TPD52L1: variants seen among roughly 807,000 people sequenced by gnomAD.
The protein encoded by TPD52L1 is tumor protein D53.
In TPD52L1, 18 loss-of-function variants were observed where a neutral mutation model predicts 28.7. The ratio of observed to expected loss-of-function variants is 0.63; its 90% CI spans 0.43 to 0.93. The LOEUF (loss-of-function observed/expected upper bound fraction) is 0.93. Ranked by LOEUF, TPD52L1 falls within the 40% of genes least tolerant of loss-of-function variation. TPD52L1 has a pLI of 0.00. For missense variants in TPD52L1, 203 were observed against 254.8 expected, an observed-to-expected ratio of 0.80 and a Z score of 1.39; for synonymous variants, 75 against 88.8, an observed-to-expected ratio of 0.84 and a Z score of 0.88.
At chr6:125,256,494 A>G (rs562391958) in intron 5 of TPD52L1, among the ~76,000 whole-genome samples, 16 of 152,388 alleles carry the variant, frequency 1.0e-4, no homozygotes, top group Admixed American at 3.9e-4. Flanking sequence ...GTTTCATCTT[A>G]AAATAATGAA....
At chr6:125,214,442 GC>G in intron 1 of TPD52L1, 1 of 984,332 alleles carries the variant, frequency 1.0e-6, no homozygotes, top group Non-Finnish European at 1.2e-6. Context: ...CAGGGATAGA[GC>G]CAGAGGCACA....
chr6:125,181,219 C>T (rs1792173970), intron 1 of TPD52L1, among the ~76,000 whole-genome samples: 1 of 152,022 alleles, frequency 6.6e-6, no homozygotes, highest in African/African-American at 2.4e-5. Context: ...AATATCTGAT[C>T]TAAATGATTA....
chr6:125,178,730 A>T (rs958438854), intron 1 of TPD52L1, among the ~76,000 whole-genome samples: 1 of 152,082 alleles, frequency 6.6e-6, no homozygotes, highest in African/African-American at 2.4e-5. Context: ...AATGTGAGGG[A>T]TGGGTGGAAT....
chr6:125,169,358 C>T (rs561777782), intron 1 of TPD52L1, among the ~76,000 whole-genome samples: 17 of 152,176 alleles, frequency 1.1e-4, no homozygotes, highest in African/African-American at 4.1e-4. Flanking sequence ...CCTGCCTGGA[C>T]CTCACTTCTC....
intron 1 of TPD52L1, among the ~76,000 whole-genome samples, chr6:125,209,713 T>A (rs546947915): frequency 8.5e-5 from 13 of 152,210 alleles, no homozygotes; most frequent in South Asian, 2.1e-4. Flanking sequence ...CACACCTGGC[T>A]CTCTTCAGAG....
At chr6:125,219,561 G>A (rs1795093198) in intron 1 of TPD52L1, among the ~76,000 whole-genome samples, 1 of 152,228 alleles carries the variant, frequency 6.6e-6, no homozygotes, top group Non-Finnish European at 1.5e-5. Flanking sequence ...CGAGTTCTCA[G>A]GGGAGGATTT....
rs1427282475 is a variant in TPD52L1, at chr6:125,253,720, CTCCATTCGCCAT to C, written c.396_407del (p.Arg133_Ile136del). 6.2e-7 allele frequency: 1 copy of C among 1,613,196 alleles called. No individual in the cohort carries two copies. The highest frequency in any genetic ancestry group is 2.2e-5 in the East Asian group (1 of 44,868). Reference sequence around the variant, plus strand: ...TTAATCTGCTTTTGCTCTGAAGTTACTCCATTCGCCATTCCATAAGTATGCCTGCTATGAGGT... The same window carrying C: ...TTAATCTGCTTTTGCTCTGAAGTTACTCCATAAGTATGCCTGCTATGAGGT... On this transcript the variant is annotated inframe_deletion, in exon 5 of 7. Coordinates refer to ENST00000534000, the MANE Select transcript of TPD52L1 (RefSeq NM_003287.4).
At chr6:125,219,025 C>T (rs1458507299) in intron 1 of TPD52L1, among the ~76,000 whole-genome samples, 2 of 152,192 alleles carry the variant, frequency 1.3e-5, no homozygotes, top group African/African-American at 4.8e-5. Context: ...CTAAAACCGG[C>T]AGAAACTTCC....
intron 6 of TPD52L1, among the ~76,000 whole-genome samples, chr6:125,257,911 A>C (rs1409103077): frequency 2.0e-5 from 3 of 152,192 alleles, no homozygotes; most frequent in African/African-American, 7.2e-5. Context: ...ACATCTTGCT[A>C]TCATTATCTC....
rs1797797576 is a variant in TPD52L1, at chr6:125,259,619, T to C, written c.486+2461T>C. On this transcript the variant is annotated intron_variant, in intron 6 of 6. Coordinates refer to ENST00000534000, the MANE Select transcript of TPD52L1 (RefSeq NM_003287.4). ...AATGAGTCATGAGTAACTACATCTC[T>C]TCCAACCATTTTGCATCCATGTCAA... Among the ~76,000 whole-genome samples, 7 of 152,222 alleles carry C rather than the reference T, an allele frequency of 4.6e-5. No homozygotes were observed. The South Asian group carries it at 1.5e-3, about 32-fold the overall frequency.
At chr6:125,191,956 G>T (rs552583062) in intron 1 of TPD52L1, among the ~76,000 whole-genome samples, 11 of 152,306 alleles carry the variant, frequency 7.2e-5, no homozygotes, top group Non-Finnish European at 1.0e-4. Flanking sequence ...AGAATCAAAA[G>T]ATTTGAACAA....
At chr6:125,187,499 A>G (rs917485855) in intron 1 of TPD52L1, among the ~76,000 whole-genome samples, 3 of 152,188 alleles carry the variant, frequency 2.0e-5, no homozygotes, top group African/African-American at 7.2e-5. Context: ...CTCTTCAGAA[A>G]AAAATAAAAT....
At chr6:125,200,239 A>T (rs980525496) in intron 1 of TPD52L1, among the ~76,000 whole-genome samples, 113 of 152,314 alleles carry the variant, frequency 7.4e-4, no homozygotes, top group African/African-American at 2.6e-3. Flanking sequence ...TATTTAAAAA[A>T]ATAGCTCTAG....
chr6:125,173,093 C>A (rs941168329), intron 1 of TPD52L1, among the ~76,000 whole-genome samples: 4 of 152,100 alleles, frequency 2.6e-5, no homozygotes, highest in Non-Finnish European at 5.9e-5. Context: ...TTGAATGTAA[C>A]CCTTAATTTC....
chr6:125,204,380 G>T (rs189657756), intron 1 of TPD52L1, among the ~76,000 whole-genome samples: 1 of 152,240 alleles, frequency 6.6e-6, no homozygotes, highest in African/African-American at 2.4e-5. Context: ...CATGTTATTT[G>T]CTACCCTTGT....
chr6:125,243,299 G>A (rs1796725753), intron 3 of TPD52L1, among the ~76,000 whole-genome samples: 1 of 152,004 alleles, frequency 6.6e-6, no homozygotes, highest in African/African-American at 2.4e-5. Context: ...TGATCTTTTT[G>A]TGAATAATTT....
At chr6:125,258,625 A>T (rs1797743556) in intron 6 of TPD52L1, among the ~76,000 whole-genome samples, 1 of 152,132 alleles carries the variant, frequency 6.6e-6, no homozygotes, top group Admixed American at 6.5e-5. Flanking sequence ...ATAAAGAACA[A>T]CCCATTTTCA....
At chr6:125,168,970 A>G (rs1791097429) in intron 1 of TPD52L1, among the ~76,000 whole-genome samples, 1 of 152,144 alleles carries the variant, frequency 6.6e-6, no homozygotes, top group Non-Finnish European at 1.5e-5. Flanking sequence ...ACTCACTTGC[A>G]TGTGGGCGCT....
intron 1 of TPD52L1, among the ~76,000 whole-genome samples, chr6:125,197,062 A>C (rs112526815): frequency 1.1e-4 from 16 of 152,328 alleles, no homozygotes; most frequent in African/African-American, 3.6e-4. Context: ...TATACCACGG[A>C]GAGCTACATT....
Sources: allele counts gnomAD v4.1 joint callset (sites outside exome capture counted in the v4.1 genomes callset), GRCh38; gene constraint gnomAD v4.1.1; transcripts MANE v1.5; gene names NCBI Gene and HGNC (gene_info 2026-07-23, HGNC 2026-07-21).